The following PTPN21 variants were observed in gnomAD, a reference collection of about 807,000 sequenced individuals.
The protein encoded by PTPN21 is protein tyrosine phosphatase non-receptor type 21, also known as tyrosine-protein phosphatase non-receptor type 21.
PTPN21 carries 77 observed loss-of-function variants against 131.8 expected under a neutral mutation model. The ratio of observed to expected loss-of-function variants is 0.58; its 90% confidence interval spans 0.49 to 0.71. The LOEUF (loss-of-function observed/expected upper bound fraction) is 0.71. PTPN21 is among the 30% of genes least tolerant of loss of function. The probability of loss-of-function intolerance (pLI) is 0.00; values close to 1 mark genes in which losing one functional copy is unlikely to be tolerated. For synonymous variants in PTPN21, 715 were observed against 621.3 expected (o/e 1.15, Z -2.24); for missense variants, 1,552 against 1,527.1 (o/e 1.02, Z -0.27).
At chr14:88,484,974 C>A in intron 12 of PTPN21, 102 bp downstream of exon 12, 1 of 907,778 alleles carries the variant, frequency 1.1e-6, no homozygotes, top group Non-Finnish European at 1.8e-6. Context: ...ATTTGGGGTG[C>A]AACTTCAGCC....
intron 12 of PTPN21, among the ~76,000 whole-genome samples, chr14:88,482,066 C>T (rs2140102909): frequency 6.6e-6 from 1 of 152,320 alleles, no homozygotes; most frequent in East Asian, 1.9e-4. Context: ...TATTACTTCC[C>T]TGAGAGTTTG....
At chr14:88,517,781 T>C (rs552654955) in intron 2 of PTPN21, among the ~76,000 whole-genome samples, 2 of 139,800 alleles carry the variant, frequency 1.4e-5, no homozygotes, top group Admixed American at 1.4e-4. Context: ...TATATAATGG[T>C]ATATATATAT....
Position 88,480,021 on chromosome 14 carries a change from G to T in PTPN21, c.1410C>A (p.His470Gln), listed in dbSNP as rs779260895. Residue 470 changes from histidine (H) to glutamine (Q), a missense_variant, in exon 13 of 19, where the codon CAC becomes CAA. Transcript: ENST00000556564. The stretch of plus-strand genomic sequence containing the variant: ...TGCCGATGTTGAGGTTTCGCAGCGA[G>T]TGGCTCTGCCGTTCCGCATGCACCA... ...RGLVHAERQS[H>Q]SLRNLNIGSS... 8.1e-6 allele frequency: 13 copies of T among 1,613,562 alleles called. No individual in the cohort carries two copies. The highest frequency in any genetic ancestry group is 1.0e-5 in the Non-Finnish European group (12 of 1,180,044).
chr14:88,529,460 T>C (rs1401712395), intron 2 of PTPN21, among the ~76,000 whole-genome samples: 1 of 152,076 alleles, frequency 6.6e-6, no homozygotes, highest in Non-Finnish European at 1.5e-5. Context: ...AAATTTTAGA[T>C]TATGTTAAAT....
intron 5 of PTPN21, 97 bp from the exon 6 acceptor site, chr14:88,504,592 G>T (rs1359722676): frequency 4.3e-6 from 4 of 940,750 alleles, no homozygotes; most frequent in Non-Finnish European, 6.9e-6. Context: ...GTCACTATCA[G>T]GCAAAATTAT....
chr14:88,508,609 C>T (rs1423613167), intron 3 of PTPN21, among the ~76,000 whole-genome samples: 1 of 152,254 alleles, frequency 6.6e-6, no homozygotes, highest in Non-Finnish European at 1.5e-5. Flanking sequence ...GTAAAACAGT[C>T]CCCACAATTT....
intron 13 of PTPN21, among the ~76,000 whole-genome samples, chr14:88,476,408 A>T (rs1171194964): frequency 2.0e-5 from 3 of 152,190 alleles, no homozygotes; most frequent in African/African-American, 7.2e-5. Flanking sequence ...CTCATTTACA[A>T]ATGTAAAAAC....
intron 10 of PTPN21, among the ~76,000 whole-genome samples, chr14:88,492,348 A>G (rs953570497): frequency 6.6e-6 from 1 of 152,182 alleles, no homozygotes; most frequent in African/African-American, 2.4e-5. Flanking sequence ...GGGAACCCCA[A>G]AGGCAAGTAG....
Position 88,479,504 on chromosome 14 carries a change from G to A in PTPN21, c.1927C>T (p.Leu643Phe). The A allele has an allele frequency of 1.9e-6, 3 of 1,601,164 alleles. No individual in the cohort carries two copies. The highest frequency in any genetic ancestry group is 1.3e-5 in the African/African-American group (1 of 75,034). ...CGCAGGCCCTCCAGGCCGTGGCTGAGCCCGGCCACCTCGATGCTGTTCCGT... is the reference window on the plus strand; with the variant it reads ...CGCAGGCCCTCCAGGCCGTGGCTGAACCCGGCCACCTCGATGCTGTTCCGT... ...HKRNSIEVAG[L>F]SHGLEGLRLK... Residue 643 changes from leucine (L) to phenylalanine (F), a missense_variant, in exon 13 of 19, where the codon CTC (leucine) becomes TTC (phenylalanine). By Grantham distance (22) the Leu-to-Phe change is conservative. This residue lies in a region of PTPN21 where 1,016 missense variants were observed against 883.5 expected (regional missense o/e 1.15). Transcript: ENST00000556564.
intron 1 of PTPN21, among the ~76,000 whole-genome samples, chr14:88,553,953 T>C (rs1007960808): frequency 1.3e-5 from 2 of 152,150 alleles, no homozygotes; most frequent in African/African-American, 4.8e-5. Flanking sequence ...CATCTGTGCG[T>C]AGATGCTCCA....
At chr14:88,485,918 G>T in intron 10 of PTPN21, 76 bp from the exon 11 acceptor site, 2 of 875,428 alleles carry the variant, frequency 2.3e-6, no homozygotes, top group Non-Finnish European at 3.6e-6. Context: ...ATATAGGAAT[G>T]TAAAATAATA....
At chr14:88,517,011 A>G in intron 3 of PTPN21, 81 bp downstream of exon 3, 1 of 1,501,470 alleles carries the variant, frequency 6.7e-7, no homozygotes, top group South Asian at 1.3e-5. Context: ...TTTCAAACTT[A>G]TCTTCTGACT....
intron 10 of PTPN21, among the ~76,000 whole-genome samples, chr14:88,492,063 C>A (rs1429958710): frequency 4.0e-5 from 6 of 149,486 alleles, no homozygotes; most frequent in African/African-American, 1.5e-4. Flanking sequence ...AACAAACAAA[C>A]AAAAAACAGG....
intron 9 of PTPN21, 114 bp downstream of exon 9, chr14:88,497,089 C>T (rs2077929909): frequency 2.1e-6 from 2 of 931,308 alleles, no homozygotes; most frequent in African/African-American, 1.7e-5. Flanking sequence ...TATACAATTA[C>T]AAAATATTAT....
intron 2 of PTPN21, among the ~76,000 whole-genome samples, chr14:88,543,624 A>G (rs984855813): frequency 3.9e-5 from 6 of 152,202 alleles, no homozygotes; most frequent in Non-Finnish European, 7.3e-5. Context: ...GCTCCAGTCA[A>G]CAAGAGTCCT....
chr14:88,476,611 G>A (rs1480556703), intron 13 of PTPN21, among the ~76,000 whole-genome samples: 1 of 152,168 alleles, frequency 6.6e-6, no homozygotes, highest in Non-Finnish European at 1.5e-5. Context: ...AGGGATGACC[G>A]TCCTCATGAT....
Position 88,496,409 on chromosome 14 carries a change from T to G in PTPN21, c.932+4A>C, listed in dbSNP as rs1248847279. 23 of 1,602,316 alleles carry G rather than the reference T, an allele frequency of 1.4e-5. No homozygotes were observed. The highest frequency in any genetic ancestry group is 1.9e-5 in the Non-Finnish European group (22 of 1,169,490). On this transcript the variant is annotated splice_donor_region_variant and intron_variant, in intron 10 of 18. Transcript: ENST00000556564. ...GATAATTTCCATGAGCAGGACATAC[T>G]TACAGGTTACACTGGTTTAGTCTGT...
At chr14:88,552,446 G>A (rs1292405587) in intron 1 of PTPN21, 5 of 152,198 alleles carry the variant, frequency 3.3e-5, no homozygotes, top group African/African-American at 7.2e-5. Flanking sequence ...TCTTTAAAGA[G>A]ATTACAACCA....
At chr14:88,504,317 G>T (rs900138937) in intron 6 of PTPN21, 108 bp downstream of exon 6, 2 of 908,618 alleles carry the variant, frequency 2.2e-6, no homozygotes, top group Non-Finnish European at 3.4e-6. Flanking sequence ...TCCAAATTTA[G>T]TTGGGCAAAT....
Sources: allele counts gnomAD v4.1 joint callset (sites outside exome capture counted in the v4.1 genomes callset), GRCh38; gene constraint gnomAD v4.1.1; regional missense constraint gnomAD v4.1.1; transcripts MANE v1.5; gene names NCBI Gene and HGNC (gene_info 2026-07-23, HGNC 2026-07-21).